The following SDAD1 variants were observed in gnomAD, a reference collection of about 807,000 sequenced individuals.
SDAD1 encodes the protein SDA1 domain containing 1, also known as protein SDA1 homolog.
Under a neutral mutation model 100.3 loss-of-function variants are expected in SDAD1, and 79 were observed. The observed-to-expected ratio is 0.79, with a 90% confidence interval of 0.66 to 0.95. SDAD1 has a LOEUF of 0.95. Ranked by LOEUF, SDAD1 falls within the 40% of genes least tolerant of loss-of-function variation. SDAD1 has a pLI of 0.00. For missense variants in SDAD1, 790 were observed against 810.9 expected, an observed-to-expected ratio of 0.97 and a Z score of 0.31; for synonymous variants, 267 against 271.4, an observed-to-expected ratio of 0.98 and a Z score of 0.16.
At chr4:75,970,427 C>T in intron 9 of SDAD1, 49 bp from the exon 10 acceptor site, 5 of 1,392,744 alleles carry the variant, frequency 3.6e-6, no homozygotes, top group Non-Finnish European at 5.1e-6. Context: ...AGTGATGATG[C>T]TCTTAGAACT....
At chr4:75,963,083 AG>A (rs760435004) in intron 14 of SDAD1, among the ~76,000 whole-genome samples, 1 of 152,220 alleles carries the variant, frequency 6.6e-6, no homozygotes, top group Non-Finnish European at 1.5e-5. Context: ...GGTGTCAGGA[AG>A]GGATCCAGTT....
intron 4 of SDAD1, among the ~76,000 whole-genome samples, chr4:75,977,039 C>T (rs1730194806): frequency 6.6e-6 from 1 of 152,210 alleles, no homozygotes; most frequent in Admixed American, 6.5e-5. Flanking sequence ...GATCCTCCCA[C>T]CTCAGCCTCC....
intron 1 of SDAD1, 54 bp downstream of exon 1, chr4:75,990,698 G>T: frequency 3.1e-6 from 5 of 1,610,968 alleles, no homozygotes; most frequent in Non-Finnish European, 4.2e-6. Context: ...TCCCGCACCG[G>T]CGTCTCAACC....
At chr4:75,968,104 T>C (rs900177450) in intron 11 of SDAD1, among the ~76,000 whole-genome samples, 2 of 152,198 alleles carry the variant, frequency 1.3e-5, no homozygotes, top group Non-Finnish European at 2.9e-5. Context: ...TGTTCAATTG[T>C]AGTCAGTTGT....
chr4:75,989,763 T>TTA (rs1439815798), intron 1 of SDAD1, among the ~76,000 whole-genome samples: 2 of 152,248 alleles, frequency 1.3e-5, no homozygotes, highest in Non-Finnish European at 2.9e-5. Context: ...TCCTACTCTT[T>TTA]ATTTCCACTA....
chr4:75,965,769 G>T lies in SDAD1; in HGVS notation c.1099C>A (p.Pro367Thr). 6.2e-7 allele frequency: 1 copy of T among 1,613,036 alleles called. No individual in the cohort carries two copies. Among genetic ancestry groups the T allele is most frequent in the South Asian group, 1.1e-5 (1 of 91,046 alleles). The change falls in exon 13 of 22, where the codon CCA (proline) becomes ACA (threonine). Residue 367 changes from proline to threonine, a missense_variant. Pro to Thr is a conservative substitution (Grantham distance 38, BLOSUM62 -1). Coordinates refer to ENST00000356260, the MANE Select transcript of SDAD1 (RefSeq NM_018115.4). ...GTCAGGTTACAGGTTCTCACCTCTG[G>T]GGGTACTAGGTGATGAGATGCTTGT... ...AAQASHHLVP[P>T]EIIQSLLMTV...
chr4:75,962,925 T>C (rs967548728), intron 14 of SDAD1, among the ~76,000 whole-genome samples: 5 of 152,226 alleles, frequency 3.3e-5, no homozygotes, highest in African/African-American at 1.2e-4. Flanking sequence ...TTTTGGCTTT[T>C]GTTGCCATTG....
chr4:75,990,277 C>T (rs908584708), intron 1 of SDAD1, among the ~76,000 whole-genome samples: 1 of 69,998 alleles, frequency 1.4e-5, no homozygotes, highest in Admixed American at 1.5e-4. Flanking sequence ...TTGAGAAACC[C>T]CCCCCCCCCC....
intron 21 of SDAD1, among the ~76,000 whole-genome samples, chr4:75,955,225 T>C (rs189120799): frequency 5.1e-4 from 77 of 152,292 alleles, no homozygotes; most frequent in African/African-American, 1.8e-3. Flanking sequence ...TGTGACCATC[T>C]CACCTCATAA....
chr4:75,967,736 T>C (rs1275451658), intron 11 of SDAD1, among the ~76,000 whole-genome samples: 3 of 152,144 alleles, frequency 2.0e-5, no homozygotes, highest in East Asian at 1.9e-4. Context: ...GGAATTCAAA[T>C]CTGAATAGCA....
Position 75,971,939 on chromosome 4 carries a change from ATTT to A in SDAD1, c.712-484_712-482del, listed in dbSNP as rs35932670. On this transcript the variant is annotated intron_variant, in intron 8 of 21. Coordinates refer to ENST00000356260, the MANE Select transcript of SDAD1 (RefSeq NM_018115.4). ...ATACAAAGATTTTCACTGTAGCACT[ATTT>A]TTTTTTTTTTTTTTGAGATGGAGTC... 2.9e-5 allele frequency among the ~76,000 whole-genome samples: 4 copies of A among 138,368 alleles called. No homozygotes were observed. The East Asian group carries it at 6.3e-4, about 22-fold the overall frequency. 90.8% of individuals were successfully genotyped at this position (138,368 alleles called of 152,430 possible).
intron 1 of SDAD1, among the ~76,000 whole-genome samples, chr4:75,987,673 T>C (rs1730985152): frequency 1.3e-5 from 2 of 152,140 alleles, no homozygotes; most frequent in Admixed American, 1.3e-4. Flanking sequence ...GGCTAATTTT[T>C]GTATTTTTAG....
In SDAD1 at chr4:75,990,887, A is replaced by C. The variant is rs1202225730; in HGVS notation, c.-46T>G. The stretch of plus-strand genomic sequence containing the variant: ...GCGGCGAGCAGTTTTAAAAAAACTC[A>C]GACGGCCGGCACCCCGCAATCCCTG... On this transcript the variant is annotated 5_prime_UTR_variant, in exon 1 of 22. Coordinates refer to ENST00000356260, the MANE Select transcript of SDAD1 (RefSeq NM_018115.4). 6.2e-7 allele frequency: 1 copy of C among 1,612,490 alleles called. No homozygotes were observed. The highest frequency in any genetic ancestry group is 1.3e-5 in the African/African-American group (1 of 75,018).
Position 75,961,312 on chromosome 4 carries a change from G to C in SDAD1, c.1182-4C>G, listed in dbSNP as rs1560539515. The C allele has an allele frequency of 8.1e-6, 13 of 1,604,944 alleles. No homozygotes were observed. Among genetic ancestry groups the C allele is most frequent in the Non-Finnish European group, 1.1e-5 (13 of 1,174,992 alleles). The stretch of plus-strand genomic sequence containing the variant: ...TATCTCCTTTATAGCATTGATTCTA[G>C]AAAAAGAAAAACAAAGTTTAAAAGA... On this transcript the variant is annotated splice_polypyrimidine_tract_variant and splice_region_variant and intron_variant, in intron 14 of 21. Transcript: ENST00000356260.
chr4:75,956,155 T>C lies in SDAD1; in HGVS notation c.1855-19A>G, dbSNP rs542363756. Reference sequence around the variant, plus strand: ...TTCCAGCCTACCAGAACAAAAAGTTTGATATTTCTTCTTCAACAACATACT... The same window carrying C: ...TTCCAGCCTACCAGAACAAAAAGTTCGATATTTCTTCTTCAACAACATACT... On this transcript the variant is annotated intron_variant, in intron 20 of 21. Transcript: ENST00000356260. The C allele has an allele frequency of 6.3e-7, 1 of 1,586,582 alleles. No homozygotes were observed. The highest frequency in any genetic ancestry group is 1.4e-5 in the African/African-American group (1 of 73,288).
At chr4:75,989,245 C>T (rs1035031456) in intron 1 of SDAD1, among the ~76,000 whole-genome samples, 1 of 152,206 alleles carries the variant, frequency 6.6e-6, no homozygotes, top group Non-Finnish European at 1.5e-5. Context: ...TCTGCACTTT[C>T]TATTCCTTGT....
intron 7 of SDAD1, 143 bp downstream of exon 7, chr4:75,973,933 A>C: frequency 1.6e-6 from 1 of 613,598 alleles, no homozygotes; most frequent in Non-Finnish European, 3.0e-6. Context: ...GCAGGCATGC[A>C]GTTTATGCTG....
In SDAD1 at chr4:75,969,311, C is replaced by G. The variant is rs760716520; in HGVS notation, c.972G>C (p.Leu324Phe). 14 of 1,611,074 alleles carry G rather than the reference C, an allele frequency of 8.7e-6. No individual in the cohort carries two copies. In the South Asian group the frequency reaches 1.2e-4, roughly 14 times the overall value. Residue 324 changes from leucine (L) to phenylalanine (F), a missense_variant, in exon 11 of 22, where the codon TTG (leucine) becomes TTC (phenylalanine). Coordinates refer to ENST00000356260, the MANE Select transcript of SDAD1 (RefSeq NM_018115.4). ...KMMLMNLISR[L>F]VGIHELFLFN... ...TAATTCAAACCTCATGAATTCCCAC[C>G]AATCTGGAGATAAGGTTCATGAGCA...
At chr4:75,989,829 T>TGTTAAAAAGCACATGA (rs1731131440) in intron 1 of SDAD1, among the ~76,000 whole-genome samples, 2 of 152,232 alleles carry the variant, frequency 1.3e-5, no homozygotes, top group Admixed American at 1.3e-4. Context: ...GAGATTGCCA[T>TGTTAAAAAGCACATGA]GTGTTAAAAA....
Sources: gnomAD v4.1 joint callset for allele counts (sites outside exome capture counted in the v4.1 genomes callset) on GRCh38, gnomAD v4.1.1 for gene constraint, MANE v1.5 for transcripts, NCBI Gene and HGNC (gene_info 2026-07-23, HGNC 2026-07-21) for gene names.